Variants in GABPB2 observed in about 807,000 individuals in gnomAD.
The protein encoded by GABPB2 is GA-binding protein subunit beta-2.
A neutral mutation model predicts 39.1 loss-of-function variants in GABPB2; 23 were observed. The ratio of observed to expected loss-of-function variants is 0.59; its 90% CI spans 0.42 to 0.83. The LOEUF is 0.83. GABPB2 is among the 40% of genes least tolerant of loss of function. GABPB2 has a pLI of 0.00. For synonymous variants in GABPB2, 184 were observed against 199.3 expected (o/e 0.92, Z 0.65); for missense variants, 467 against 541.1 (o/e 0.86, Z 1.36).
intron 1 of GABPB2, among the ~76,000 whole-genome samples, chr1:151,085,070 C>G (rs1678062965): frequency 6.6e-6 from 1 of 151,816 alleles, no homozygotes; most frequent in Non-Finnish European, 1.5e-5. Context: ...GCACTTCAGC[C>G]TGGGTGACAG....
intron 2 of GABPB2, 95 bp downstream of exon 2, chr1:151,088,392 C>T (rs1571916881): frequency 2.4e-6 from 3 of 1,242,022 alleles, no homozygotes; most frequent in South Asian, 2.7e-5. Context: ...TTTCTTCACT[C>T]CCTTTCTACC....
chr1:151,117,994 A>G lies in GABPB2; in HGVS notation c.1085A>G (p.Gln362Arg). Residue 362 changes from glutamine (Q) to arginine (R), a missense_variant, in exon 9 of 9, where the codon CAG (glutamine) becomes CGG (arginine). Transcript: ENST00000368918. Reference protein sequence around the residue: ...NERELLQQQLQEANRRAQEYR... With the variant: ...NERELLQQQLREANRRAQEYR... Reference sequence around the variant, plus strand: ...AGAGAGCTACTACAGCAACAACTCCAGGAGGCCAATCGAAGAGCCCAGGAA... The same window carrying G: ...AGAGAGCTACTACAGCAACAACTCCGGGAGGCCAATCGAAGAGCCCAGGAA... The G allele has an allele frequency of 6.2e-7, 1 of 1,614,032 alleles. No individual in the cohort carries two copies. The highest frequency in any genetic ancestry group is 8.5e-7 in the Non-Finnish European group (1 of 1,179,910).
intron 1 of GABPB2, among the ~76,000 whole-genome samples, chr1:151,072,444 C>G (rs1192486065): frequency 6.6e-6 from 1 of 152,152 alleles, no homozygotes; most frequent in Non-Finnish European, 1.5e-5. Context: ...GTGGTCCCAG[C>G]TACTCGGGAA....
chr1:151,102,662 G>A (rs368486093), intron 5 of GABPB2, among the ~76,000 whole-genome samples: 103 of 152,070 alleles, frequency 6.8e-4, no homozygotes, highest in African/African-American at 2.2e-3. Context: ...GGCTGGTCTC[G>A]AACTCCTGAT....
intron 5 of GABPB2, 147 bp downstream of exon 5, chr1:151,098,149 G>A (rs961731154): frequency 1.2e-5 from 8 of 695,094 alleles, no homozygotes. Context: ...TTAAAGCTGA[G>A]GTACTTATTC....
intron 8 of GABPB2, 87 bp from the exon 9 acceptor site, chr1:151,117,870 C>A: frequency 7.8e-7 from 1 of 1,283,258 alleles, no homozygotes; most frequent in Non-Finnish European, 1.1e-6. Context: ...AGGTGTGAGG[C>A]ACCGCTCCTG....
chr1:151,076,557 G>C (rs1571880694), intron 1 of GABPB2, among the ~76,000 whole-genome samples: 1 of 151,878 alleles, frequency 6.6e-6, no homozygotes, highest in East Asian at 1.9e-4. Flanking sequence ...AGCCTCCGGA[G>C]TAGCTGGGAT....
chr1:151,087,652 AAAAG>A (rs1039458752), intron 1 of GABPB2, among the ~76,000 whole-genome samples: 3 of 151,076 alleles, frequency 2.0e-5, no homozygotes, highest in Middle Eastern at 3.4e-3. Flanking sequence ...GTCTCAAAAA[AAAAG>A]AGAGTTACAG....
At chr1:151,115,574 T>C (rs1299356372) in intron 7 of GABPB2, among the ~76,000 whole-genome samples, 1 of 151,586 alleles carries the variant, frequency 6.6e-6, no homozygotes, top group Non-Finnish European at 1.5e-5. Context: ...CTGATTTTTG[T>C]ATTTTTTGTA....
At chr1:151,082,640 A>G (rs1242963118) in intron 1 of GABPB2, among the ~76,000 whole-genome samples, 2 of 149,450 alleles carry the variant, frequency 1.3e-5, no homozygotes, top group African/African-American at 4.9e-5. Flanking sequence ...CAATCTCCTG[A>G]CCTTGTGATC....
chr1:151,085,249 T>C (rs1678079014), intron 1 of GABPB2, among the ~76,000 whole-genome samples: 1 of 151,806 alleles, frequency 6.6e-6, no homozygotes, highest in Admixed American at 6.6e-5. Flanking sequence ...ATAAAAAAAT[T>C]AGCTGGGCAT....
intron 7 of GABPB2, among the ~76,000 whole-genome samples, chr1:151,114,140 GT>G (rs1484239435): frequency 1.3e-5 from 2 of 151,234 alleles, no homozygotes; most frequent in African/African-American, 4.9e-5. Flanking sequence ...AAGCCCAGGA[GT>G]TTGAAATCAG....
intron 7 of GABPB2, among the ~76,000 whole-genome samples, chr1:151,110,054 G>A: frequency 9.5e-6 from 1 of 105,020 alleles, no homozygotes; most frequent in East Asian, 3.4e-4. Flanking sequence ...CAGAGACAGG[G>A]TTTCGCCATG....
Position 151,122,992 on chromosome 1 carries a change from C to G in GABPB2, c.*4736C>G, listed in dbSNP as rs149777719. The G allele has an allele frequency of 1.1e-4, 17 of 151,906 alleles. No homozygotes were observed. Among genetic ancestry groups the G allele is most frequent in the African/African-American group, 4.1e-4 (17 of 41,430 alleles). The allele number at this position is 151,906 out of a possible 1,614,324, so 9.4% of individuals were successfully genotyped here. On this transcript the variant is annotated 3_prime_UTR_variant, in exon 9 of 9. Coordinates refer to ENST00000368918, the MANE Select transcript of GABPB2 (RefSeq NM_144618.3). ...ATGGAGAGAATGGCAGGTGAGGATG[C>G]TTTGAAGTAGTTAGAAATTAAATAT...
chr1:151,092,071 T>C (rs1678758967), intron 3 of GABPB2, among the ~76,000 whole-genome samples: 1 of 150,120 alleles, frequency 6.7e-6, no homozygotes, highest in African/African-American at 2.5e-5. Context: ...CTGACAGGTG[T>C]GGGGTTACTG....
intron 1 of GABPB2, among the ~76,000 whole-genome samples, chr1:151,078,419 G>A (rs963346785): frequency 1.3e-5 from 2 of 151,778 alleles, no homozygotes; most frequent in Non-Finnish European, 2.9e-5. Context: ...CGGTGAAACC[G>A]TGCTTCTACT....
intron 7 of GABPB2, among the ~76,000 whole-genome samples, chr1:151,111,400 G>A (rs1440668876): frequency 2.2e-5 from 3 of 134,476 alleles, no homozygotes; most frequent in South Asian, 2.4e-4. Context: ...GCCCACCACC[G>A]CCCCCCACTA....
intron 3 of GABPB2, among the ~76,000 whole-genome samples, chr1:151,091,501 G>A (rs1262321805): frequency 2.3e-4 from 28 of 121,896 alleles, no homozygotes; most frequent in Non-Finnish European, 1.5e-4. Context: ...AAAAGATGAA[G>A]TCTCGCACTA....
intron 1 of GABPB2, among the ~76,000 whole-genome samples, 161 bp downstream of exon 1, chr1:151,071,095 G>GGGGAGGAAGGGGATGCTGTC (rs1237586126): frequency 1.3e-5 from 2 of 152,122 alleles, no homozygotes; most frequent in Middle Eastern, 3.2e-3. Flanking sequence ...GGAGGGGGAC[G>GGGGAGGAAGGGGATGCTGTC]GGGAGGAAGG....
Sources: allele counts gnomAD v4.1 joint callset (sites outside exome capture counted in the v4.1 genomes callset), GRCh38; gene constraint gnomAD v4.1.1; transcripts MANE v1.5; gene names NCBI Gene and HGNC (gene_info 2026-07-23, HGNC 2026-07-21).